The following HBP1 variants were observed in gnomAD, a reference collection of about 807,000 sequenced individuals.
The protein encoded by HBP1 is HMG box-containing protein 1.
Under a neutral mutation model 62.6 loss-of-function variants are expected in HBP1, and 20 were observed. That is an observed-to-expected ratio of 0.32 (90% CI 0.22 to 0.46). HBP1 has a LOEUF of 0.46. Among genes scored for constraint, HBP1 ranks in the 20% least tolerant of loss-of-function variants. The probability of loss-of-function intolerance (pLI) is 1.00; values close to 1 mark genes in which losing one functional copy is unlikely to be tolerated. For synonymous variants in HBP1, 232 were observed against 206.2 expected (o/e 1.12, Z -1.07); for missense variants, 480 against 611.8 (o/e 0.78, Z 2.27).
chr7:107,198,886 T>C (rs1356799875), intron 9 of HBP1, among the ~76,000 whole-genome samples: 1 of 152,238 alleles, frequency 6.6e-6, no homozygotes, highest in Non-Finnish European at 1.5e-5. Context: ...CTGTCATCTT[T>C]TAGCTTAAAA....
At chr7:107,170,612 A>G (rs114546529) in intron 1 of HBP1, among the ~76,000 whole-genome samples, 320 of 152,274 alleles carry the variant, frequency 2.1e-3, no homozygotes, top group African/African-American at 7.1e-3. Flanking sequence ...ACTTTTGAGG[A>G]GCCGTTTAAC....
chr7:107,175,532 C>G (rs1796793813), intron 1 of HBP1, among the ~76,000 whole-genome samples: 1 of 152,004 alleles, frequency 6.6e-6, no homozygotes, highest in Non-Finnish European at 1.5e-5. Context: ...GACTCTGATC[C>G]TAGACTACCT....
At chr7:107,172,515 A>C (rs192693351) in intron 1 of HBP1, among the ~76,000 whole-genome samples, 1 of 152,328 alleles carries the variant, frequency 6.6e-6, no homozygotes, top group Non-Finnish European at 1.5e-5. Flanking sequence ...GACTTATCTT[A>C]TATGACTCAT....
intron 8 of HBP1, among the ~76,000 whole-genome samples, chr7:107,190,889 T>C (rs947627076): frequency 1.3e-5 from 2 of 152,204 alleles, no homozygotes; most frequent in Admixed American, 6.5e-5. Context: ...CCATGTGTCC[T>C]GACTCCAGAA....
chr7:107,186,026 ACTGTT>A, intron 4 of HBP1, 84 bp downstream of exon 4: 1 of 1,012,682 alleles, frequency 9.9e-7, no homozygotes, highest in Non-Finnish European at 1.5e-6. Flanking sequence ...AAGTAGTCTC[ACTGTT>A]CTGTTAGTGA....
intron 1 of HBP1, among the ~76,000 whole-genome samples, chr7:107,170,628 T>G (rs963050031): frequency 1.4e-4 from 22 of 152,320 alleles, no homozygotes; most frequent in African/African-American, 3.8e-4. Context: ...TTAACCACTT[T>G]AAAGCAAAAT....
intron 1 of HBP1, chr7:107,170,157 T>G: frequency 1.0e-6 from 1 of 984,800 alleles, no homozygotes; most frequent in Non-Finnish European, 1.2e-6. Flanking sequence ...CTGTTTGTTT[T>G]GTTTTTGGCT....
At chr7:107,169,674 C>G in intron 1 of HBP1, 1 of 898,900 alleles carries the variant, frequency 1.1e-6, no homozygotes, top group Non-Finnish European at 1.3e-6. Context: ...TCTGGCTGAG[C>G]TGAGGAGCTC....
intron 1 of HBP1, among the ~76,000 whole-genome samples, chr7:107,177,602 A>AG (rs1310476242): frequency 6.6e-6 from 1 of 152,224 alleles, no homozygotes; most frequent in Non-Finnish European, 1.5e-5. Context: ...TCAGTAGTAG[A>AG]GGGGATAAGT....
chr7:107,172,908 A>G (rs1796667909), intron 1 of HBP1, among the ~76,000 whole-genome samples: 1 of 152,118 alleles, frequency 6.6e-6, no homozygotes, highest in Admixed American at 6.5e-5. Context: ...CTTATTTACA[A>G]ATAAAAAAAA....
rs765212427 is a variant in HBP1, at chr7:107,201,730, TAGAA to T, written c.*303_*306del. ...GATATCCTGTGGTGCTAAAGTACAG[TAGAA>T]AGAGAGGAGAAGTGTATACATGTTT... On this transcript the variant is annotated 3_prime_UTR_variant, in exon 11 of 11. Coordinates refer to ENST00000222574, the MANE Select transcript of HBP1 (RefSeq NM_012257.4). 482 of 316,536 alleles carry T rather than the reference TAGAA, an allele frequency of 1.5e-3. 1 individual carries two copies. Among genetic ancestry groups the T allele is most frequent in the Non-Finnish European group, 2.4e-3 (408 of 172,908 alleles). The allele number at this position is 316,536 out of a possible 1,614,324, so 19.6% of individuals were successfully genotyped here.
rs747332354 is a variant in HBP1 at position 107,185,928 on chromosome 7, G to C, written c.526G>C (p.Val176Leu). The change falls in exon 4 of 11, where the codon GTA becomes CTA. Residue 176 changes from valine (V) to leucine (L), a missense_variant. Val to Leu is a conservative substitution (Grantham distance 32, BLOSUM62 1). Transcript: ENST00000222574. ...TCACCATTGGAAGGAGGAAACACCA[G>C]TAAGACACGAAAGGGTAAGTTTATT... ...PHHHWKEETP[V>L]RHERANSESE... The C allele has an allele frequency of 3.7e-6, 6 of 1,612,856 alleles. No homozygotes were observed. The highest frequency in any genetic ancestry group is 5.1e-6 in the Non-Finnish European group (6 of 1,178,908).
intron 3 of HBP1, among the ~76,000 whole-genome samples, chr7:107,185,122 C>G (rs1797290149): frequency 6.6e-6 from 1 of 151,876 alleles, no homozygotes; most frequent in Non-Finnish European, 1.5e-5. Context: ...GGAGCATTGT[C>G]TGGTAAAAGA....
chr7:107,177,768 A>C (rs1423029388), intron 1 of HBP1, among the ~76,000 whole-genome samples: 2 of 152,234 alleles, frequency 1.3e-5, no homozygotes, highest in African/African-American at 4.8e-5. Context: ...GTACATGAAG[A>C]AGAAATTGGA....
intron 1 of HBP1, among the ~76,000 whole-genome samples, chr7:107,169,546 A>G (rs1486227899): frequency 6.7e-6 from 1 of 148,918 alleles, no homozygotes; most frequent in Non-Finnish European, 1.5e-5. Flanking sequence ...CTGCCCAGGA[A>G]AGTTTGACTT....
intron 3 of HBP1, among the ~76,000 whole-genome samples, chr7:107,184,593 C>G (rs1333032233): frequency 6.6e-6 from 1 of 152,174 alleles, no homozygotes; most frequent in Non-Finnish European, 1.5e-5. Flanking sequence ...TCACTGCAAG[C>G]TCCGCCTTCC....
chr7:107,197,687 C>CTAT (rs1405328391), intron 9 of HBP1, among the ~76,000 whole-genome samples: 1 of 152,146 alleles, frequency 6.6e-6, no homozygotes, highest in African/African-American at 2.4e-5. Flanking sequence ...CTTTTTAATA[C>CTAT]TATTGAAATG....
chr7:107,174,917 T>C (rs1286336600), intron 1 of HBP1, among the ~76,000 whole-genome samples: 1 of 152,170 alleles, frequency 6.6e-6, no homozygotes, highest in Admixed American at 6.5e-5. Context: ...TAAAATCTCC[T>C]ATCTAAACTG....
chr7:107,171,064 TATATA>T lies in HBP1; in HGVS notation c.-16+1880_-16+1884del, dbSNP rs1481198924. ...ATGTATAAATATATATATATATATA[TATATA>T]TATATTTTTTTTTTTTTTTGAGAGG... On this transcript the variant is annotated intron_variant, in intron 1 of 10. Coordinates refer to ENST00000222574, the MANE Select transcript of HBP1 (RefSeq NM_012257.4). Among the ~76,000 whole-genome samples the T allele has an allele frequency of 2.1e-3, 143 of 69,130 alleles. 6 individuals are homozygous for T. The highest frequency in any genetic ancestry group is 3.3e-3 in the East Asian group (10 of 3,016). The allele number at this position is 69,130 out of a possible 152,430, so 45.4% of individuals were successfully genotyped here.
Sources: gnomAD v4.1 joint callset for allele counts (sites outside exome capture counted in the v4.1 genomes callset) on GRCh38, gnomAD v4.1.1 for gene constraint, MANE v1.5 for transcripts, NCBI Gene and HGNC (gene_info 2026-07-23, HGNC 2026-07-21) for gene names.